Variants in FRMPD4 observed in about 807,000 individuals in gnomAD.
FRMPD4 encodes FERM and PDZ domain-containing protein 4.
A neutral mutation model predicts 94.1 loss-of-function variants in FRMPD4; 22 were observed. The ratio of observed to expected loss-of-function variants is 0.23; its 90% confidence interval spans 0.17 to 0.33. The LOEUF is 0.33. Ranked by LOEUF, FRMPD4 falls within the 10% of genes least tolerant of loss-of-function variation. FRMPD4 has a pLI of 1.00. For synonymous variants in FRMPD4, 631 were observed against 548.6 expected (o/e 1.15, Z -2.10); for missense variants, 1,111 against 1,339.9 (o/e 0.83, Z 2.67).
intron 2 of FRMPD4, among the ~76,000 whole-genome samples, chrX:12,604,858 C>T (rs752682038): frequency 1.3e-4 from 14 of 111,420 alleles, no homozygotes; most frequent in Non-Finnish European, 2.4e-4. Context: ...TCGTTCCCCT[C>T]TATGTGTCCA....
chrX:12,471,870 G>A (rs1395226308), intron 1 of FRMPD4, among the ~76,000 whole-genome samples: 1 of 111,873 alleles, frequency 8.9e-6, no homozygotes, highest in African/African-American at 3.3e-5. Flanking sequence ...AAGTGAAGGG[G>A]TCAGAAAGTT....
At chrX:11,960,872 G>A (rs1478298724) in intron 3 of FRMPD4, among the ~76,000 whole-genome samples, 1 of 112,285 alleles carries the variant, frequency 8.9e-6, no homozygotes, top group Non-Finnish European at 1.9e-5. Context: ...TAAGGGATAA[G>A]TCCAAACTTC....
chrX:11,870,781 T>C (rs184271832), intron 2 of FRMPD4, among the ~76,000 whole-genome samples: 19 of 112,282 alleles, frequency 1.7e-4, no homozygotes, highest in African/African-American at 4.8e-4. Context: ...AGTAGGTAAC[T>C]TTTTTTGCCT....
chrX:12,245,341 G>A (rs780503435), intron 1 of FRMPD4, among the ~76,000 whole-genome samples: 69 of 110,929 alleles, frequency 6.2e-4, no homozygotes, highest in Admixed American at 1.6e-3. Context: ...CTATATTTGC[G>A]GCCAGCTCTG....
intron 1 of FRMPD4, among the ~76,000 whole-genome samples, chrX:12,243,341 G>GCATATTTAAATATTTAAATATTATGC (rs2053904594): frequency 8.9e-6 from 1 of 112,588 alleles, no homozygotes; most frequent in Non-Finnish European, 1.9e-5. Flanking sequence ...TTATGCACAA[G>GCATATTTAAATATTTAAATATTATGC]ATATTTAAAC....
At position 12,190,628 on chromosome X, in the gene FRMPD4, A is replaced by G. The variant is rs189565006; in HGVS notation, c.41+51616A>G. Among the ~76,000 whole-genome samples, 6 of 109,575 alleles carry G rather than the reference A, an allele frequency of 5.5e-5. No homozygotes were observed. In the East Asian group the frequency reaches 1.7e-3, roughly 31 times the overall value. On this transcript the variant is annotated intron_variant, in intron 1 of 16. Coordinates refer to ENST00000675598, the MANE Select transcript of FRMPD4 (RefSeq NM_001368397.1). ...TGATCTTTGACAAAGGAGCAAAGAC[A>G]ATACAGTGGAACAAAAATAGTCTTT... is the stretch of plus-strand genomic sequence containing the variant.
At chrX:12,241,666 G>A (rs768171816) in intron 1 of FRMPD4, among the ~76,000 whole-genome samples, 2 of 111,608 alleles carry the variant, frequency 1.8e-5, no homozygotes, top group African/African-American at 3.2e-5. Flanking sequence ...TTGGGAGGCC[G>A]AGGTAGGATG....
chrX:12,090,145 T>C (rs58159633), intron 3 of FRMPD4, among the ~76,000 whole-genome samples: 1 of 111,113 alleles, frequency 9.0e-6, no homozygotes, highest in Admixed American at 9.6e-5. Flanking sequence ...ATCGCCAAAA[T>C]TGGAGGTGAG....
At chrX:11,869,857 C>A (rs962716249) in intron 2 of FRMPD4, among the ~76,000 whole-genome samples, 1 of 111,113 alleles carries the variant, frequency 9.0e-6, no homozygotes, top group Non-Finnish European at 1.9e-5. Context: ...TCATGGTTAC[C>A]TTTCAAAGAT....
At chrX:11,902,590 AT>A (rs1182155748) in intron 3 of FRMPD4, among the ~76,000 whole-genome samples, 1 of 111,372 alleles carries the variant, frequency 9.0e-6, no homozygotes, top group Non-Finnish European at 1.9e-5. Context: ...CCTCCTCCAA[AT>A]TCTATCACAT....
intron 3 of FRMPD4, among the ~76,000 whole-genome samples, chrX:11,944,013 A>T: frequency 8.9e-6 from 1 of 112,022 alleles, no homozygotes; most frequent in Non-Finnish European, 1.9e-5. Flanking sequence ...ACAACTGCTC[A>T]CAACTGCTCA....
chrX:12,004,691 CT>C (rs141975202), intron 3 of FRMPD4, among the ~76,000 whole-genome samples: 6,490 of 98,721 alleles, frequency 0.066, 249 homozygotes, highest in East Asian at 0.22. Context: ...GTCTGCTGAC[CT>C]TTTTTTTTTT....
chrX:11,839,942 T>A (rs1478206962), intron 1 of FRMPD4, among the ~76,000 whole-genome samples: 2 of 111,838 alleles, frequency 1.8e-5, no homozygotes, highest in East Asian at 5.6e-4. Context: ...TTGGTCTATA[T>A]ACCTATCATA....
intron 3 of FRMPD4, among the ~76,000 whole-genome samples, chrX:12,057,696 C>T (rs2054862340): frequency 9.0e-6 from 1 of 111,096 alleles, no homozygotes; most frequent in Admixed American, 9.6e-5. Flanking sequence ...AGGTTGCCAC[C>T]AAGAGGGTGA....
intron 1 of FRMPD4, among the ~76,000 whole-genome samples, chrX:11,860,044 A>G (rs1365770411): frequency 4.4e-5 from 5 of 112,463 alleles, no homozygotes; most frequent in African/African-American, 1.6e-4. Context: ...ACTCCCAAGA[A>G]TTATTCACTT....
intron 8 of FRMPD4, among the ~76,000 whole-genome samples, chrX:12,691,217 C>A (rs1247033842): frequency 8.9e-6 from 1 of 111,794 alleles, no homozygotes; most frequent in Non-Finnish European, 1.9e-5. Context: ...TATTCCTCTA[C>A]CCAAACTTGG....
In FRMPD4 at chrX:12,503,030, T is replaced by C. The variant is rs192214203; in HGVS notation, c.158+4234T>C. On this transcript the variant is annotated intron_variant, in intron 2 of 16. Transcript: ENST00000675598. ...ATTTTTTAGTTAAATTGGGTAAAAA[T>C]ATGCTTGTTTGACTGCAAAGGTAGG... Among the ~76,000 whole-genome samples the C allele has an allele frequency of 4.9e-3, 546 of 112,361 alleles. 3 individuals carry two copies. Among genetic ancestry groups the C allele is most frequent in the African/African-American group, 0.017 (527 of 30,975 alleles).
chrX:12,194,512 G>A (rs760949156), intron 1 of FRMPD4, among the ~76,000 whole-genome samples: 37 of 111,290 alleles, frequency 3.3e-4, no homozygotes, highest in African/African-American at 1.1e-3. Context: ...GTGCTGCCCC[G>A]TTATGAAGTG....
chrX:11,843,263 G>A lies in FRMPD4; in HGVS notation c.-161+20548G>A, dbSNP rs146891394. Among the ~76,000 whole-genome samples the A allele has an allele frequency of 3.1e-4, 35 of 111,418 alleles. No homozygotes were observed. The East Asian group carries it at 9.9e-3, about 31-fold the overall frequency. ...GAGGAATATTGGTTTGTAATTTTTT[G>A]TGTATATGGTATTTTGGCCGCTTCT... On this transcript the variant is annotated intron_variant, in intron 1 of 18. Transcript: ENST00000640291.
Sources: allele counts gnomAD v4.1 joint callset (sites outside exome capture counted in the v4.1 genomes callset), GRCh38; gene constraint gnomAD v4.1.1; transcripts MANE v1.5; gene names NCBI Gene and HGNC (gene_info 2026-07-23, HGNC 2026-07-21).